ZNF678: variants seen among roughly 807,000 people sequenced by gnomAD.
ZNF678 encodes the protein zinc finger protein 678.
ZNF678 carries 5 observed loss-of-function variants against 3.0 expected under a neutral mutation model. That is an observed-to-expected ratio of 1.69 (90% confidence interval 0.88 to 3.56). The LOEUF (loss-of-function observed/expected upper bound fraction) is 3.56. ZNF678 is among the 30% of genes most tolerant of loss of function. The pLI is 0.00. For synonymous variants in ZNF678, 218 were observed against 199.6 expected, an observed-to-expected ratio of 1.09 and a Z score of -0.78; for missense variants, 593 against 605.0, an observed-to-expected ratio of 0.98 and a Z score of 0.21.
downstream of ZNF678, among the ~76,000 whole-genome samples, chr1:227,679,126 A>T (rs1474047427): frequency 6.6e-6 from 1 of 152,216 alleles, no homozygotes; most frequent in Non-Finnish European, 1.5e-5. Flanking sequence ...GAACAATTCA[A>T]GGACCAAAAA....
chr1:227,654,506 C>CT lies in ZNF678; in HGVS notation c.258dup (p.Thr87TyrfsTer7). The CT allele has an allele frequency of 6.2e-7, 1 of 1,613,158 alleles. No homozygotes were observed. The highest frequency in any genetic ancestry group is 1.7e-4 in the Middle Eastern group (1 of 6,048). On this transcript the variant is annotated frameshift_variant, in exon 4 of 4. Transcript: ENST00000343776. LOFTEE classifies it low-confidence loss of function (END_TRUNC). Reference sequence around the variant, plus strand: ...GGGGCAGAAAGAATATTGCAATAGACTTACTCAATGTTCATCAACTAAAAG... The same window carrying CT: ...GGGGCAGAAAGAATATTGCAATAGACTTTACTCAATGTTCATCAACTAAAAG...
At chr1:227,571,715 A>G (rs1405153406) in intron 1 of ZNF678, among the ~76,000 whole-genome samples, 1 of 152,220 alleles carries the variant, frequency 6.6e-6, no homozygotes, top group Non-Finnish European at 1.5e-5. Context: ...ATCCTCTGTG[A>G]CCAAGGAAAT....
At chr1:227,631,036 T>G (rs1658535606) in intron 1 of ZNF678, among the ~76,000 whole-genome samples, 1 of 152,140 alleles carries the variant, frequency 6.6e-6, no homozygotes, top group South Asian at 2.1e-4. Context: ...CAGGCAGTGC[T>G]GCAGAGGAAT....
chr1:227,644,231 A>G (rs1208662100), intron 1 of ZNF678, among the ~76,000 whole-genome samples: 2 of 152,120 alleles, frequency 1.3e-5, no homozygotes, highest in Non-Finnish European at 2.9e-5. Flanking sequence ...TATGCCCTGT[A>G]TTTACATCCT....
chr1:227,593,772 G>A (rs1657482106), intron 1 of ZNF678, among the ~76,000 whole-genome samples: 1 of 151,908 alleles, frequency 6.6e-6, no homozygotes, highest in African/African-American at 2.4e-5. Flanking sequence ...ATTTTTCTTA[G>A]CTTTGGTAGG....
intron 1 of ZNF678, among the ~76,000 whole-genome samples, chr1:227,627,771 T>A (rs1471802230): frequency 6.6e-6 from 1 of 152,174 alleles, no homozygotes. Context: ...GGGGATTACT[T>A]TCAAGTATTC....
At chr1:227,618,249 C>T (rs1658189575) in intron 1 of ZNF678, among the ~76,000 whole-genome samples, 1 of 152,214 alleles carries the variant, frequency 6.6e-6, no homozygotes, top group South Asian at 2.1e-4. Context: ...GGGTGCCGCT[C>T]AGTCCAGTGC....
intron 1 of ZNF678, among the ~76,000 whole-genome samples, chr1:227,630,997 G>A (rs1003710113): frequency 5.3e-5 from 4 of 75,674 alleles, no homozygotes; most frequent in African/African-American, 4.6e-4. Flanking sequence ...AGGAGGCCAG[G>A]TTTCTCCCCT....
At chr1:227,664,184 T>A (rs1659463657), downstream of ZNF678, among the ~76,000 whole-genome samples, 1 of 152,104 alleles carries the variant, frequency 6.6e-6, no homozygotes, top group Admixed American at 6.5e-5. Context: ...TTAAAAAAAA[T>A]AATTATCCCT....
At chr1:227,574,517 T>G (rs1334534600) in intron 1 of ZNF678, among the ~76,000 whole-genome samples, 1 of 152,180 alleles carries the variant, frequency 6.6e-6, no homozygotes, top group East Asian at 1.9e-4. Context: ...TTAATGGAGT[T>G]GTGTTTTGGT....
chr1:227,563,820 G>C (rs1468869028), intron 1 of ZNF678, 96 bp downstream of exon 1: 1 of 1,174,214 alleles, frequency 8.5e-7, no homozygotes, highest in African/African-American at 1.6e-5. Context: ...GCACCTGTGG[G>C]ATCTGTCACC....
downstream of ZNF678, among the ~76,000 whole-genome samples, chr1:227,678,188 C>T (rs558066176): frequency 2.0e-5 from 3 of 152,216 alleles, no homozygotes; most frequent in Middle Eastern, 0.01. Flanking sequence ...GATATAAACG[C>T]CTGGGTCGAA....
intron 1 of ZNF678, among the ~76,000 whole-genome samples, chr1:227,640,453 G>C (rs1658791760): frequency 6.6e-6 from 1 of 152,032 alleles, no homozygotes; most frequent in South Asian, 2.1e-4. Flanking sequence ...GGAGAAAGGT[G>C]ATCAGGGCAG....
At chr1:227,647,841 C>A (rs1004984485) in intron 2 of ZNF678, among the ~76,000 whole-genome samples, 1 of 152,160 alleles carries the variant, frequency 6.6e-6, no homozygotes, top group African/African-American at 2.4e-5. Flanking sequence ...TTGAGGAACT[C>A]TATTTTACAC....
At chr1:227,675,356 G>A (rs763107700) in intron 5 of ZNF678, among the ~76,000 whole-genome samples, 1 of 152,166 alleles carries the variant, frequency 6.6e-6, no homozygotes, top group Non-Finnish European at 1.5e-5. Context: ...AGAACTGTGG[G>A]AAAGTTAATT....
chr1:227,610,987 C>G (rs1373404152), intron 1 of ZNF678, among the ~76,000 whole-genome samples: 1 of 152,222 alleles, frequency 6.6e-6, no homozygotes, highest in Non-Finnish European at 1.5e-5. Flanking sequence ...GACATTGTCA[C>G]CATCTTGGAA....
intron 5 of ZNF678, among the ~76,000 whole-genome samples, chr1:227,668,905 G>T (rs1447069192): frequency 6.6e-6 from 1 of 151,902 alleles, no homozygotes; most frequent in Non-Finnish European, 1.5e-5. Flanking sequence ...TTCCTATTCT[G>T]TTCTATTATG....
Position 227,606,375 on chromosome 1 carries a change from C to G in ZNF678, c.-163-40169C>G, listed in dbSNP as rs545393435. Among the ~76,000 whole-genome samples the G allele has an allele frequency of 4.6e-5, 7 of 152,330 alleles. 2 individuals carry two copies. Among genetic ancestry groups the G allele is most frequent in the African/African-American group, 1.7e-4 (7 of 41,570 alleles). ...ACACATAGGCTAGATTTGTGTTTCT[C>G]TTTACCCAAACATCTCAGTGTAGCA... On this transcript the variant is annotated intron_variant, in intron 1 of 3. Transcript: ENST00000343776.
rs117740167 is a variant in ZNF678 at position 227,644,729 on chromosome 1, G to A, written c.-163-1815G>A. ...ATATATGCACATTGAAGTTCCAGAA[G>A]CAATGCTTAGCTAAGTGGCTCTCAG... is the stretch of plus-strand genomic sequence containing the variant. On this transcript the variant is annotated intron_variant, in intron 1 of 3. Coordinates refer to ENST00000343776, the MANE Select transcript of ZNF678 (RefSeq NM_001367909.1). 4.6e-3 allele frequency among the ~76,000 whole-genome samples: 707 copies of A among 152,310 alleles called. 19 individuals are homozygous for A. In the South Asian group the frequency reaches 0.057, roughly 12 times the overall value.
Sources: allele counts gnomAD v4.1 joint callset (sites outside exome capture counted in the v4.1 genomes callset), GRCh38; gene constraint gnomAD v4.1.1; transcripts MANE v1.5; gene names NCBI Gene and HGNC (gene_info 2026-07-23, HGNC 2026-07-21).